Variants in PSD3 observed in about 807,000 individuals in gnomAD.
PSD3 encodes pleckstrin and Sec7 domain containing 3.
Under a neutral mutation model 105.5 loss-of-function variants are expected in PSD3, and 49 were observed. That is an observed-to-expected ratio of 0.46 (90% CI 0.37 to 0.59). PSD3 has a LOEUF of 0.59. Ranked by LOEUF, PSD3 falls within the 20% of genes least tolerant of loss-of-function variation. PSD3 has a pLI of 0.00. For synonymous variants in PSD3, 557 were observed against 457.8 expected, an observed-to-expected ratio of 1.22 and a Z score of -2.77; for missense variants, 1,561 against 1,263.8, an observed-to-expected ratio of 1.24 and a Z score of -3.57.
chr8:18,927,119 C>T (rs1221223095), intron 2 of PSD3, among the ~76,000 whole-genome samples: 2 of 152,138 alleles, frequency 1.3e-5, no homozygotes, highest in East Asian at 3.8e-4. Context: ...GGAAAAGGGG[C>T]ACGGAACTTC....
intron 2 of PSD3, among the ~76,000 whole-genome samples, chr8:18,885,346 C>A (rs1481812737): frequency 6.6e-6 from 1 of 152,154 alleles, no homozygotes; most frequent in East Asian, 1.9e-4. Flanking sequence ...ACCCCACAGT[C>A]TCGCTCACAG....
chr8:18,968,987 A>G (rs1292152476), intron 1 of PSD3, among the ~76,000 whole-genome samples: 2 of 152,184 alleles, frequency 1.3e-5, no homozygotes, highest in African/African-American at 4.8e-5. Flanking sequence ...AATTCCAAAG[A>G]AAAAAGATTT....
intron 10 of PSD3, among the ~76,000 whole-genome samples, chr8:18,643,472 G>A (rs141743797): frequency 2.3e-3 from 350 of 152,256 alleles, no homozygotes; most frequent in African/African-American, 7.9e-3. Flanking sequence ...GTCAATTTGA[G>A]GCATGATTCA....
chr8:18,699,103 ACATCCAGAGACTGCTTCTCAG>A (rs1183307712), intron 9 of PSD3, among the ~76,000 whole-genome samples: 2 of 152,154 alleles, frequency 1.3e-5, no homozygotes, highest in African/African-American at 4.8e-5. Context: ...GTTTCTGGGA[ACATCCAGAGACTGCTTCTCAG>A]CATCCCTTGC....
chr8:18,863,157 C>T lies in PSD3; in HGVS notation c.1634+4517G>A, dbSNP rs79135876. Among the ~76,000 whole-genome samples the T allele has an allele frequency of 2.6e-4, 40 of 152,298 alleles. No homozygotes were observed. The East Asian group carries it at 7.3e-3, about 28-fold the overall frequency. ...AGTTCCTGCCATGTCACGGTATTTG[C>T]TATTTCTTTTTCTCCTGTCCAAACC... On this transcript the variant is annotated intron_variant, in intron 4 of 15. Coordinates refer to ENST00000327040, the MANE Select transcript of PSD3 (RefSeq NM_015310.4).
intron 15 of PSD3, among the ~76,000 whole-genome samples, chr8:18,538,497 A>C (rs1255141790): frequency 6.6e-6 from 1 of 152,222 alleles, no homozygotes; most frequent in Non-Finnish European, 1.5e-5. Flanking sequence ...GGCAAGATTA[A>C]AAAACAGAAA....
At position 18,781,331 on chromosome 8, in the gene PSD3, A is replaced by G. The variant is rs1315605580; in HGVS notation, c.2083-15793T>C. Among the ~76,000 whole-genome samples the G allele has an allele frequency of 3.9e-5, 6 of 152,264 alleles. No individual in the cohort carries two copies. In the East Asian group the frequency reaches 9.6e-4, roughly 24 times the overall value. ...TCTGATGCATGCATATCCTTTTTCTATGGCATATAAGCCCTAGGTCTTGGG... is the reference window on the plus strand; with the variant it reads ...TCTGATGCATGCATATCCTTTTTCTGTGGCATATAAGCCCTAGGTCTTGGG... On this transcript the variant is annotated intron_variant, in intron 8 of 15. Coordinates refer to ENST00000327040, the MANE Select transcript of PSD3 (RefSeq NM_015310.4).
At chr8:18,590,349 A>C (rs1463974702) in intron 12 of PSD3, among the ~76,000 whole-genome samples, 1 of 152,176 alleles carries the variant, frequency 6.6e-6, no homozygotes. Flanking sequence ...CCTCTTTGCC[A>C]GAGAAACACA....
At chr8:18,948,210 T>C (rs957890176) in intron 1 of PSD3, among the ~76,000 whole-genome samples, 1 of 152,234 alleles carries the variant, frequency 6.6e-6, no homozygotes, top group Non-Finnish European at 1.5e-5. Context: ...GTGCTTCTGA[T>C]AATGTTTAAA....
chr8:18,964,210 G>C (rs182375376), intron 1 of PSD3, among the ~76,000 whole-genome samples: 43 of 152,220 alleles, frequency 2.8e-4, no homozygotes, highest in African/African-American at 9.4e-4. Flanking sequence ...ATGCAGCCTG[G>C]AGTTCCCAGA....
intron 1 of PSD3, among the ~76,000 whole-genome samples, chr8:18,970,324 CA>C (rs11450922): frequency 7.2e-3 from 327 of 45,292 alleles, no homozygotes; most frequent in African/African-American, 0.029. Flanking sequence ...GACTCTGCCT[CA>C]AAAAAAAAAA....
At chr8:18,976,868 G>A (rs1824968832) in intron 1 of PSD3, among the ~76,000 whole-genome samples, 2 of 152,096 alleles carry the variant, frequency 1.3e-5, no homozygotes, top group South Asian at 4.1e-4. Flanking sequence ...ATAGTTAAGG[G>A]GACAGTTAAA....
chr8:18,717,518 T>C (rs1479359041), intron 9 of PSD3, among the ~76,000 whole-genome samples: 1 of 152,184 alleles, frequency 6.6e-6, no homozygotes, highest in African/African-American at 2.4e-5. Context: ...AAACATATTT[T>C]GCTCCAGTTA....
At chr8:19,038,923 A>G (rs139375891) in intron 1 of PSD3, among the ~76,000 whole-genome samples, 1 of 152,330 alleles carries the variant, frequency 6.6e-6, no homozygotes, top group Non-Finnish European at 1.5e-5. Flanking sequence ...AATAAAGCAT[A>G]GATAGATTTA....
intron 4 of PSD3, among the ~76,000 whole-genome samples, chr8:18,816,981 T>C (rs1812270390): frequency 6.6e-6 from 1 of 152,180 alleles, no homozygotes; most frequent in Non-Finnish European, 1.5e-5. Context: ...GAACTGAGGA[T>C]GTGGCTTTGC....
chr8:19,028,379 GTCTC>G (rs1360156546), intron 1 of PSD3, among the ~76,000 whole-genome samples: 2 of 141,656 alleles, frequency 1.4e-5, no homozygotes, highest in African/African-American at 2.6e-5. Context: ...TGGAGTTGGA[GTCTC>G]TCTCTGTTGT....
chr8:18,559,784 G>A (rs1209884569), intron 14 of PSD3, among the ~76,000 whole-genome samples: 5 of 152,074 alleles, frequency 3.3e-5, no homozygotes, highest in Admixed American at 2.6e-4. Context: ...GAGGAATACA[G>A]GCTAGAATGA....
intron 1 of PSD3, among the ~76,000 whole-genome samples, chr8:19,078,974 A>G (rs1829553829): frequency 6.6e-6 from 1 of 151,860 alleles, no homozygotes; most frequent in South Asian, 2.1e-4. Flanking sequence ...TCCCAATCCA[A>G]TTGCTTTTCA....
chr8:18,686,506 T>C (rs1382211912), intron 9 of PSD3, among the ~76,000 whole-genome samples: 3 of 152,164 alleles, frequency 2.0e-5, no homozygotes, highest in Non-Finnish European at 2.9e-5. Context: ...AGAACACGTA[T>C]TTCTACGTGG....
Sources: allele counts gnomAD v4.1 joint callset (sites outside exome capture counted in the v4.1 genomes callset), GRCh38; gene constraint gnomAD v4.1.1; transcripts MANE v1.5; gene names NCBI Gene and HGNC (gene_info 2026-07-23, HGNC 2026-07-21).